RYR3: variants seen among roughly 807,000 people sequenced by gnomAD.
The protein encoded by RYR3 is ryanodine receptor 3, also known as brain ryanodine receptor-calcium release channel.
RYR3 carries 207 observed loss-of-function variants against 584.3 expected under a neutral mutation model. The ratio of observed to expected loss-of-function variants is 0.35; its 90% confidence interval spans 0.32 to 0.40. The LOEUF is 0.40. Ranked by LOEUF, RYR3 falls within the 10% of genes least tolerant of loss-of-function variation. The pLI is 1.00. For missense variants in RYR3, 5,616 were observed against 6,089.2 expected (o/e 0.92, Z 2.59); for synonymous variants, 2,416 against 2,248.5 (o/e 1.07, Z -2.11).
intron 1 of RYR3, among the ~76,000 whole-genome samples, chr15:33,320,922 T>C (rs1968878648): frequency 6.6e-6 from 1 of 152,254 alleles, no homozygotes; most frequent in African/African-American, 2.4e-5. Flanking sequence ...GATTATTCCA[T>C]AGTCTTGATT....
chr15:33,558,884 C>T (rs961537855), intron 10 of RYR3, among the ~76,000 whole-genome samples: 2 of 152,164 alleles, frequency 1.3e-5, no homozygotes, highest in South Asian at 4.1e-4. Context: ...AAGTGCCATC[C>T]TCCAGGAGGC....
chr15:33,698,146 C>T (rs1327091831), intron 40 of RYR3, 150 bp downstream of exon 40: 7 of 629,780 alleles, frequency 1.1e-5, no homozygotes, highest in South Asian at 1.9e-5. Context: ...AGGAGCCAAG[C>T]GATGGGATAA....
chr15:33,430,418 T>G (rs1354985953), intron 1 of RYR3, among the ~76,000 whole-genome samples: 1 of 152,198 alleles, frequency 6.6e-6, no homozygotes, highest in Non-Finnish European at 1.5e-5. Context: ...TAGACGAATT[T>G]GAAGATTTTC....
At chr15:33,707,090 GA>G in intron 43 of RYR3, 36 bp downstream of exon 43, 2 of 1,610,302 alleles carry the variant, frequency 1.2e-6, no homozygotes, top group Non-Finnish European at 8.5e-7. Context: ...CTTATACCCA[GA>G]ATAGCATGAT....
intron 56 of RYR3, 23 bp from the exon 57 acceptor site, chr15:33,750,140 A>C: frequency 1.2e-6 from 2 of 1,608,682 alleles, no homozygotes; most frequent in Non-Finnish European, 1.7e-6. Flanking sequence ...GCCAAATGTC[A>C]TCTCTCACCT....
At chr15:33,860,348 A>G (rs4780186) in intron 100 of RYR3, among the ~76,000 whole-genome samples, 142,783 of 152,198 alleles carry the variant, frequency 0.94, 67,546 homozygotes, top group East Asian at 1. Context: ...GAGAAGTAGA[A>G]AGGAAAGAGT....
chr15:33,557,266 A>G (rs1165634125), intron 10 of RYR3, among the ~76,000 whole-genome samples: 1 of 152,384 alleles, frequency 6.6e-6, no homozygotes, highest in Middle Eastern at 3.4e-3. Flanking sequence ...TGTGTGATAC[A>G]TACCACTTTG....
intron 70 of RYR3, chr15:33,807,901 T>TA: frequency 5.7e-6 from 2 of 350,810 alleles, no homozygotes; most frequent in South Asian, 9.6e-5. Flanking sequence ...CCCAGGGGAC[T>TA]ACTCCTCGTG....
chr15:33,518,495 C>T (rs1476997259), intron 3 of RYR3, among the ~76,000 whole-genome samples: 1 of 152,032 alleles, frequency 6.6e-6, no homozygotes, highest in Non-Finnish European at 1.5e-5. Context: ...GCAGGTGCTA[C>T]TTTTAATACG....
chr15:33,830,613 C>T (rs999765552), intron 85 of RYR3, among the ~76,000 whole-genome samples: 7 of 129,484 alleles, frequency 5.4e-5, no homozygotes, highest in South Asian at 3.3e-4. Context: ...CTCAGAACAA[C>T]GTCTGGCACT....
At chr15:33,426,846 T>G (rs1489530381) in intron 1 of RYR3, among the ~76,000 whole-genome samples, 1 of 152,176 alleles carries the variant, frequency 6.6e-6, no homozygotes, top group Admixed American at 6.5e-5. Context: ...ATGATCAGGT[T>G]CTGGTGAGAG....
intron 18 of RYR3, among the ~76,000 whole-genome samples, chr15:33,608,923 G>A (rs2060037923): frequency 6.6e-6 from 1 of 152,202 alleles, no homozygotes; most frequent in South Asian, 2.1e-4. Context: ...TTCCTCTGGA[G>A]GGCATATGGC....
In RYR3 at chr15:33,644,378, T is replaced by C; in HGVS notation, c.3624T>C (p.Ser1208=). The C allele has an allele frequency of 6.2e-7, 1 of 1,613,450 alleles. No homozygotes were observed. Among genetic ancestry groups the C allele is most frequent in the Non-Finnish European group, 8.5e-7 (1 of 1,179,714 alleles). The part of the protein sequence containing the change: ...IGRMNLGTDA[S]TFKFYTMCGL... The stretch of plus-strand genomic sequence containing the variant: ...GCATGAATCTCGGGACAGATGCCAG[T>C]ACCTTCAAGTTTTATACCATGTGCG... Residue 1208 remains serine (S), a synonymous_variant, in exon 28 of 104, where the codon AGT becomes AGC. Coordinates refer to ENST00000634891, the MANE Select transcript of RYR3 (RefSeq NM_001036.6).
chr15:33,711,235 A>ATTTT (rs143373949), intron 43 of RYR3, among the ~76,000 whole-genome samples: 8 of 75,790 alleles, frequency 1.1e-4, no homozygotes, highest in African/African-American at 3.7e-4. Context: ...TCTTTCTTTC[A>ATTTT]TTTTTTTTTT....
chr15:33,428,734 T>C (rs76974686), intron 1 of RYR3, among the ~76,000 whole-genome samples: 1 of 149,928 alleles, frequency 6.7e-6, no homozygotes, highest in Middle Eastern at 3.4e-3. Context: ...GATTTTTTTT[T>C]CCGTGACTTC....
At chr15:33,445,280 C>T (rs553229654) in intron 1 of RYR3, among the ~76,000 whole-genome samples, 6 of 151,936 alleles carry the variant, frequency 3.9e-5, no homozygotes, top group Admixed American at 1.3e-4. Flanking sequence ...TGATAGGGAA[C>T]GCTGATGGGC....
intron 1 of RYR3, among the ~76,000 whole-genome samples, chr15:33,418,698 T>G (rs1372136807): frequency 6.6e-6 from 1 of 152,082 alleles, no homozygotes; most frequent in East Asian, 1.9e-4. Context: ...ACTAAGGAAC[T>G]GGGGAAGGCA....
At chr15:33,518,299 A>G (rs1461129413) in intron 3 of RYR3, among the ~76,000 whole-genome samples, 2 of 152,236 alleles carry the variant, frequency 1.3e-5, no homozygotes, top group Non-Finnish European at 2.9e-5. Flanking sequence ...GTCACATTAC[A>G]TTAATGGTAA....
At chr15:33,701,560 C>T (rs2066302618) in intron 42 of RYR3, among the ~76,000 whole-genome samples, 1 of 152,060 alleles carries the variant, frequency 6.6e-6, no homozygotes, top group Non-Finnish European at 1.5e-5. Context: ...GTCTTTTCCC[C>T]ATCCCTTTCT....
Sources: allele counts gnomAD v4.1 joint callset (sites outside exome capture counted in the v4.1 genomes callset), GRCh38; gene constraint gnomAD v4.1.1; transcripts MANE v1.5; gene names NCBI Gene and HGNC (gene_info 2026-07-23, HGNC 2026-07-21).